Variants in PKIA observed in about 807,000 individuals in gnomAD.
PKIA encodes PKI-alpha.
PKIA carries 4 observed loss-of-function variants against 7.6 expected under a neutral mutation model. That is an observed-to-expected ratio of 0.52 (90% CI 0.26 to 1.20). The LOEUF (loss-of-function observed/expected upper bound fraction) is 1.20. Among genes scored for constraint, PKIA ranks in the 50% most tolerant of loss-of-function variants. The pLI is 0.13. For missense variants in PKIA, 73 were observed against 86.2 expected, an observed-to-expected ratio of 0.85 and a Z score of 0.61; for synonymous variants, 21 against 30.7, an observed-to-expected ratio of 0.68 and a Z score of 1.04.
intron 1 of PKIA, among the ~76,000 whole-genome samples, chr8:78,548,815 C>T (rs984082467): frequency 6.6e-6 from 1 of 151,710 alleles, no homozygotes; most frequent in Non-Finnish European, 1.5e-5. Flanking sequence ...GATATAGTTC[C>T]CACCAGTGAC....
chr8:78,558,727 A>G (rs547869319), intron 1 of PKIA, among the ~76,000 whole-genome samples: 18 of 152,240 alleles, frequency 1.2e-4, no homozygotes, highest in African/African-American at 3.1e-4. Flanking sequence ...TAATCAACAA[A>G]TGTTCACGTA....
intron 1 of PKIA, among the ~76,000 whole-genome samples, chr8:78,542,479 A>C (rs1490620158): frequency 2.6e-5 from 4 of 152,170 alleles, no homozygotes; most frequent in African/African-American, 9.6e-5. Context: ...AGCTTATGTG[A>C]GGTGATCAGA....
chr8:78,591,359 C>G (rs1346740324), intron 2 of PKIA: 1 of 152,572 alleles, frequency 6.6e-6, no homozygotes, highest in African/African-American at 2.4e-5. Flanking sequence ...CCTTATGCTT[C>G]ATTCTCTCAA....
At chr8:78,601,642 T>G (rs1295923415) in intron 3 of PKIA, 100 bp from the exon 4 acceptor site, 6 of 863,694 alleles carry the variant, frequency 6.9e-6, no homozygotes, top group Middle Eastern at 2.2e-4. Flanking sequence ...TCAGGCCTAT[T>G]TAGTATTTCT....
At chr8:78,553,089 GA>G (rs200519145) in intron 1 of PKIA, among the ~76,000 whole-genome samples, 20,722 of 121,516 alleles carry the variant, frequency 0.17, 1,474 homozygotes, top group Middle Eastern at 0.22. Context: ...CCATTTGCAG[GA>G]AAAAAAAAAA....
chr8:78,595,411 GT>G (rs1808204394), intron 2 of PKIA, among the ~76,000 whole-genome samples: 1 of 152,108 alleles, frequency 6.6e-6, no homozygotes, highest in African/African-American at 2.4e-5. Context: ...AAATGAGGTG[GT>G]TTTGGTTTAT....
chr8:78,548,866 T>C (rs896785654), intron 1 of PKIA, among the ~76,000 whole-genome samples: 1 of 152,080 alleles, frequency 6.6e-6, no homozygotes, highest in Admixed American at 6.6e-5. Flanking sequence ...GATATAATTA[T>C]AAAATATCAT....
chr8:78,564,708 A>T (rs1006039533), intron 1 of PKIA, among the ~76,000 whole-genome samples: 16 of 151,890 alleles, frequency 1.1e-4, no homozygotes, highest in African/African-American at 3.6e-4. Flanking sequence ...GTAATAACAA[A>T]AAAAATGGAA....
At chr8:78,525,482 G>A (rs117956114) in intron 1 of PKIA, among the ~76,000 whole-genome samples, 5,512 of 151,986 alleles carry the variant, frequency 0.036, 151 homozygotes, top group South Asian at 0.071. Flanking sequence ...ACACTAAACA[G>A]TCCATTAAAT....
At chr8:78,600,406 T>C (rs1007399695) in intron 3 of PKIA, among the ~76,000 whole-genome samples, 6 of 152,128 alleles carry the variant, frequency 3.9e-5, no homozygotes, top group Admixed American at 3.9e-4. Flanking sequence ...AGTCTCTATG[T>C]TTTCAGCATA....
At chr8:78,555,528 A>G (rs1334472649) in intron 1 of PKIA, among the ~76,000 whole-genome samples, 1 of 152,034 alleles carries the variant, frequency 6.6e-6, no homozygotes, top group Non-Finnish European at 1.5e-5. Context: ...TAGTCATTCA[A>G]AAGGCTCAAA....
intron 1 of PKIA, among the ~76,000 whole-genome samples, chr8:78,528,658 T>TAA (rs755210393): frequency 3.3e-4 from 40 of 120,094 alleles, no homozygotes; most frequent in South Asian, 1.6e-3. Context: ...ACCCTGTCTC[T>TAA]AAAAAAAAAA....
chr8:78,533,102 CTTT>C (rs1349497155), intron 1 of PKIA, among the ~76,000 whole-genome samples: 2 of 152,062 alleles, frequency 1.3e-5, no homozygotes, highest in African/African-American at 4.8e-5. Flanking sequence ...TCATTTCTGT[CTTT>C]TGCCTGTTGG....
At chr8:78,518,276 T>G (rs909916107) in intron 1 of PKIA, among the ~76,000 whole-genome samples, 2 of 152,298 alleles carry the variant, frequency 1.3e-5, no homozygotes, top group East Asian at 1.9e-4. Flanking sequence ...ATGTTCCTTT[T>G]TTGTTGTTGT....
At chr8:78,584,977 A>C (rs1807913872) in intron 2 of PKIA, among the ~76,000 whole-genome samples, 1 of 152,048 alleles carries the variant, frequency 6.6e-6, no homozygotes, top group South Asian at 2.1e-4. Flanking sequence ...TAGTTCTGCT[A>C]AGAGAGTCAA....
At chr8:78,518,200 G>A (rs1334964410) in intron 1 of PKIA, among the ~76,000 whole-genome samples, 1 of 152,172 alleles carries the variant, frequency 6.6e-6, no homozygotes, top group Non-Finnish European at 1.5e-5. Context: ...AGGGTGTAGG[G>A]GGTGGGCAAA....
rs1169379962 is a variant in PKIA at position 78,546,389 on chromosome 8, T to C, written c.-156-26422T>C. Reference sequence around the variant, plus strand: ...TTATAATTACAAAATTGTAATTATTTTAAGGGTGAAATTCTAATTGGCATT... The same window carrying C: ...TTATAATTACAAAATTGTAATTATTCTAAGGGTGAAATTCTAATTGGCATT... On this transcript the variant is annotated intron_variant, in intron 1 of 3. Transcript: ENST00000396418. Among the ~76,000 whole-genome samples, 6 of 152,292 alleles carry C rather than the reference T, an allele frequency of 3.9e-5. No homozygotes were observed. In the South Asian group the frequency reaches 1.0e-3, roughly 26 times the overall value.
At chr8:78,531,377 G>A (rs978120458) in intron 1 of PKIA, among the ~76,000 whole-genome samples, 9 of 152,032 alleles carry the variant, frequency 5.9e-5, no homozygotes, top group African/African-American at 1.9e-4. Context: ...AAGAAATGGC[G>A]TTTTTCCTCC....
intron 1 of PKIA, among the ~76,000 whole-genome samples, chr8:78,541,470 T>G (rs1806685763): frequency 6.6e-6 from 1 of 152,166 alleles, no homozygotes; most frequent in African/African-American, 2.4e-5. Flanking sequence ...CTCTAACCAT[T>G]GAATTAAGCA....
Sources: gnomAD v4.1 joint callset for allele counts (sites outside exome capture counted in the v4.1 genomes callset) on GRCh38, gnomAD v4.1.1 for gene constraint, MANE v1.5 for transcripts, NCBI Gene and HGNC (gene_info 2026-07-23, HGNC 2026-07-21) for gene names.